Variants in ZMAT4 observed in about 807,000 individuals in gnomAD.
ZMAT4 encodes zinc finger matrin-type 4.
ZMAT4 carries 17 observed loss-of-function variants against 28.7 expected under a neutral mutation model. The ratio of observed to expected loss-of-function variants is 0.59; its 90% CI spans 0.41 to 0.89. The LOEUF is 0.89. Among genes scored for constraint, ZMAT4 ranks in the 40% least tolerant of loss-of-function variants. The pLI is 0.00. For missense variants in ZMAT4, 240 were observed against 283.8 expected, an observed-to-expected ratio of 0.85 and a Z score of 1.11; for synonymous variants, 117 against 109.2, an observed-to-expected ratio of 1.07 and a Z score of -0.44.
At position 40,530,706 on chromosome 8, in the gene ZMAT4, T is replaced by C. The variant is rs534640950; in HGVS notation, c.*1517A>G. On this transcript the variant is annotated 3_prime_UTR_variant, in exon 7 of 7. Transcript: ENST00000297737. Reference sequence around the variant, plus strand: ...CATCACAGGAGGTTTGTAGGTCGGCTGTGTGCTTTCCAAAACAGCAAAATA... The same window carrying C: ...CATCACAGGAGGTTTGTAGGTCGGCCGTGTGCTTTCCAAAACAGCAAAATA... 3 of 152,666 alleles carry C rather than the reference T, an allele frequency of 2.0e-5. No homozygotes were observed. The highest frequency in any genetic ancestry group is 4.4e-5 in the Non-Finnish European group (3 of 68,042). The allele number at this position is 152,666 out of a possible 1,614,324, so 9.5% of individuals were successfully genotyped here.
chr8:40,644,139 G>C (rs1231047746), intron 5 of ZMAT4, among the ~76,000 whole-genome samples: 1 of 152,058 alleles, frequency 6.6e-6, no homozygotes, highest in East Asian at 1.9e-4. Context: ...GTAGAGAAAT[G>C]GATAAGCTTA....
At chr8:40,765,417 C>A (rs1339324068) in intron 3 of ZMAT4, among the ~76,000 whole-genome samples, 1 of 152,138 alleles carries the variant, frequency 6.6e-6, no homozygotes, top group East Asian at 1.9e-4. Context: ...ACAAAAGCAT[C>A]AACTATCACT....
intron 3 of ZMAT4, among the ~76,000 whole-genome samples, chr8:40,734,780 G>A (rs969668659): frequency 5.9e-5 from 9 of 152,116 alleles, no homozygotes; most frequent in Admixed American, 6.5e-5. Context: ...CAAGGTTACT[G>A]GAGGCCAATC....
intron 3 of ZMAT4, among the ~76,000 whole-genome samples, chr8:40,725,602 C>T (rs1811286138): frequency 6.6e-6 from 1 of 152,100 alleles, no homozygotes; most frequent in South Asian, 2.1e-4. Context: ...AAGTGATTCG[C>T]TGGGATGCTT....
At chr8:40,690,167 C>T (rs527277759) in intron 4 of ZMAT4, among the ~76,000 whole-genome samples, 73 of 152,164 alleles carry the variant, frequency 4.8e-4, no homozygotes, top group Middle Eastern at 3.2e-3. Flanking sequence ...TTAAATCCTA[C>T]TCGCTGTAGG....
At chr8:40,796,262 G>A in intron 2 of ZMAT4, among the ~76,000 whole-genome samples, 1 of 152,152 alleles carries the variant, frequency 6.6e-6, no homozygotes, top group East Asian at 1.9e-4. Context: ...CCCCACCGTT[G>A]TCTGCTCTGC....
At chr8:40,895,851 G>A (rs1818851024) in intron 1 of ZMAT4, among the ~76,000 whole-genome samples, 2 of 152,190 alleles carry the variant, frequency 1.3e-5, no homozygotes, top group Admixed American at 1.3e-4. Flanking sequence ...ACGTGCTGGG[G>A]GCTGCCCCTC....
At chr8:40,885,777 C>T (rs1252327538) in intron 1 of ZMAT4, among the ~76,000 whole-genome samples, 3 of 152,228 alleles carry the variant, frequency 2.0e-5, no homozygotes, top group African/African-American at 7.2e-5. Context: ...CTGGACTGCT[C>T]GTCCCCCAAA....
chr8:40,657,243 G>A (rs920548086), intron 5 of ZMAT4, among the ~76,000 whole-genome samples: 1 of 152,084 alleles, frequency 6.6e-6, no homozygotes. Context: ...AGCGTGTTAT[G>A]CTAATACACG....
chr8:40,731,418 C>CAGAG (rs1330754068), intron 3 of ZMAT4, among the ~76,000 whole-genome samples: 234 of 19,008 alleles, frequency 0.012, no homozygotes, highest in African/African-American at 0.024. Flanking sequence ...CTACAATGAT[C>CAGAG]AGACAGAGAG....
At chr8:40,587,213 T>C (rs1804698582) in intron 5 of ZMAT4, among the ~76,000 whole-genome samples, 1 of 152,100 alleles carries the variant, frequency 6.6e-6, no homozygotes, top group East Asian at 1.9e-4. Context: ...CTAAGAATAT[T>C]CTCAAGGAAC....
At chr8:40,557,795 C>T (rs976564755) in intron 6 of ZMAT4, among the ~76,000 whole-genome samples, 20 of 152,246 alleles carry the variant, frequency 1.3e-4, no homozygotes, top group African/African-American at 4.6e-4. Flanking sequence ...AAAAGCCATA[C>T]ACCTCTGCAG....
intron 1 of ZMAT4, among the ~76,000 whole-genome samples, chr8:40,896,929 A>G (rs567953136): frequency 3.3e-5 from 5 of 150,202 alleles, no homozygotes; most frequent in Non-Finnish European, 7.4e-5. Context: ...TGTAAGCTTC[A>G]CATGGTACCA....
At chr8:40,763,361 G>C (rs985571190) in intron 3 of ZMAT4, among the ~76,000 whole-genome samples, 2 of 152,196 alleles carry the variant, frequency 1.3e-5, no homozygotes, top group Non-Finnish European at 2.9e-5. Context: ...GGTGATCACA[G>C]TCAATTACTT....
intron 5 of ZMAT4, among the ~76,000 whole-genome samples, chr8:40,658,665 A>ACACAC (rs1808047925): frequency 3.3e-5 from 4 of 120,840 alleles, no homozygotes; most frequent in African/African-American, 1.4e-4. Flanking sequence ...CACACACACA[A>ACACAC]ACACAAAACT....
intron 1 of ZMAT4, among the ~76,000 whole-genome samples, chr8:40,862,597 A>G (rs1321283142): frequency 6.9e-6 from 1 of 145,594 alleles, no homozygotes; most frequent in Non-Finnish European, 1.5e-5. Flanking sequence ...AAAAAAAAAA[A>G]AAAGAAAATT....
chr8:40,845,019 G>GAAAGAC lies in ZMAT4; in HGVS notation c.-4-19345_-4-19340dup, dbSNP rs548733195. On this transcript the variant is annotated intron_variant, in intron 1 of 6. Transcript: ENST00000297737. ...ATAAACTGCACATACTCATGCACCA[G>GAAAGAC]AAAGACAAAAGCAAGATACTGAATT... is the stretch of plus-strand genomic sequence containing the variant. Among the ~76,000 whole-genome samples the GAAAGAC allele has an allele frequency of 6.6e-5, 10 of 152,298 alleles. No individual in the cohort carries two copies. In the South Asian group the frequency reaches 2.1e-3, roughly 32 times the overall value.
intron 6 of ZMAT4, among the ~76,000 whole-genome samples, chr8:40,539,865 C>T (rs1250673228): frequency 6.6e-6 from 1 of 152,156 alleles, no homozygotes. Context: ...ACAGCTTATG[C>T]TAATGAGGTG....
intron 4 of ZMAT4, among the ~76,000 whole-genome samples, chr8:40,686,002 G>T (rs1809387821): frequency 6.6e-6 from 1 of 152,108 alleles, no homozygotes; most frequent in African/African-American, 2.4e-5. Flanking sequence ...TGGAGCAACA[G>T]CGTAGGGATG....
Sources: allele counts gnomAD v4.1 joint callset (sites outside exome capture counted in the v4.1 genomes callset), GRCh38; gene constraint gnomAD v4.1.1; transcripts MANE v1.5; gene names NCBI Gene and HGNC (gene_info 2026-07-23, HGNC 2026-07-21).